Variants in TNFSF4 observed in about 807,000 individuals in gnomAD.
TNFSF4 encodes tumor necrosis factor ligand superfamily member 4.
TNFSF4 carries 4 observed loss-of-function variants against 7.3 expected under a neutral mutation model. That is an observed-to-expected ratio of 0.55 (90% CI 0.27 to 1.25). The LOEUF is 1.25. Among genes scored for constraint, TNFSF4 ranks in the 50% most tolerant of loss-of-function variants. The pLI, the probability that TNFSF4 is intolerant of heterozygous loss-of-function variation, is 0.12. For missense variants in TNFSF4, 181 were observed against 208.8 expected (o/e 0.87, Z 0.82); for synonymous variants, 76 against 83.7 (o/e 0.91, Z 0.50).
chr1:173,328,575 A>G, the TNFSF4 span, among the ~76,000 whole-genome samples: 1 of 151,848 alleles, frequency 6.6e-6, no homozygotes, highest in Non-Finnish European at 1.5e-5. Context: ...CCCAAAAAAA[A>G]AACCCTAGAT....
At chr1:173,227,877 C>T in the TNFSF4 span, among the ~76,000 whole-genome samples, 36 of 152,268 alleles carry the variant, frequency 2.4e-4, no homozygotes, top group Middle Eastern at 3.4e-3. Context: ...AAGGTGGCAG[C>T]GAGGCTGGGG....
chr1:173,376,419 T>TCA, the TNFSF4 span, among the ~76,000 whole-genome samples: 2 of 152,006 alleles, frequency 1.3e-5, no homozygotes, highest in Admixed American at 6.5e-5. Context: ...GAGGGGAACA[T>TCA]CACACACCAG....
the TNFSF4 span, among the ~76,000 whole-genome samples, chr1:173,296,354 C>T: frequency 6.6e-6 from 1 of 151,970 alleles, no homozygotes; most frequent in African/African-American, 2.4e-5. Flanking sequence ...AGAAGGCATT[C>T]TATTCTACAT....
At chr1:173,210,295 C>T (rs1650329878), upstream of TNFSF4, among the ~76,000 whole-genome samples, 1 of 152,144 alleles carries the variant, frequency 6.6e-6, no homozygotes, top group South Asian at 2.1e-4. Flanking sequence ...TCCTAGGTAT[C>T]AGTGCAGAAG....
At chr1:173,441,558 A>C in the TNFSF4 span, among the ~76,000 whole-genome samples, 1 of 152,196 alleles carries the variant, frequency 6.6e-6, no homozygotes, top group Admixed American at 6.5e-5. Flanking sequence ...CGGGAGGTGG[A>C]GGTTGCACTG....
the TNFSF4 span, among the ~76,000 whole-genome samples, chr1:173,378,564 TTCTC>T: frequency 6.6e-6 from 1 of 152,270 alleles, no homozygotes; most frequent in Non-Finnish European, 1.5e-5. Flanking sequence ...GGCCCCAATA[TTCTC>T]TCTCTGATGG....
the TNFSF4 span, among the ~76,000 whole-genome samples, chr1:173,264,802 C>A: frequency 1.3e-5 from 2 of 152,180 alleles, no homozygotes; most frequent in Admixed American, 1.3e-4. Context: ...GCCAACTTCC[C>A]TCCCTGTTTC....
chr1:173,333,769 A>G, the TNFSF4 span, among the ~76,000 whole-genome samples: 4 of 152,228 alleles, frequency 2.6e-5, no homozygotes, highest in African/African-American at 7.2e-5. Context: ...CACACAGTCT[A>G]TGGTATTTTG....
At chr1:173,251,726 A>G in the TNFSF4 span, among the ~76,000 whole-genome samples, 2 of 152,240 alleles carry the variant, frequency 1.3e-5, no homozygotes, top group African/African-American at 4.8e-5. Flanking sequence ...AAATACATAT[A>G]AAGGACACAG....
chr1:173,346,739 T>C, the TNFSF4 span, among the ~76,000 whole-genome samples: 3 of 152,160 alleles, frequency 2.0e-5, no homozygotes, highest in Non-Finnish European at 2.9e-5. Context: ...TGGGGAAATG[T>C]AATATAATAT....
chr1:173,384,208 T>G, the TNFSF4 span, among the ~76,000 whole-genome samples: 51 of 152,300 alleles, frequency 3.3e-4, no homozygotes, highest in African/African-American at 1.2e-3. Context: ...CCTACCCTGG[T>G]GATACTCACA....
the TNFSF4 span, among the ~76,000 whole-genome samples, chr1:173,377,591 C>A: frequency 2.0e-5 from 3 of 152,182 alleles, no homozygotes; most frequent in Non-Finnish European, 4.4e-5. Flanking sequence ...TTCCTCTTGC[C>A]TCTCTTCTCT....
chr1:173,231,604 G>T, the TNFSF4 span, among the ~76,000 whole-genome samples: 2 of 152,072 alleles, frequency 1.3e-5, no homozygotes, highest in East Asian at 3.8e-4. Context: ...TGGGCAATAA[G>T]GCAGGACAAA....
chr1:173,360,039 C>T, the TNFSF4 span, among the ~76,000 whole-genome samples: 5 of 152,256 alleles, frequency 3.3e-5, no homozygotes, highest in East Asian at 5.8e-4. Context: ...ATTGTCCACC[C>T]TGGCTATGAT....
At chr1:173,362,553 C>A in the TNFSF4 span, 1 of 537,542 alleles carries the variant, frequency 1.9e-6, no homozygotes, top group Admixed American at 2.0e-5. Context: ...CCACTAATGC[C>A]TCCGATTCTC....
the TNFSF4 span, among the ~76,000 whole-genome samples, chr1:173,364,160 GTCTA>G: frequency 1.3e-5 from 2 of 149,912 alleles, no homozygotes; most frequent in Non-Finnish European, 1.5e-5. Context: ...TATCCTAAAT[GTCTA>G]TCTATAGGGG....
At chr1:173,241,102 A>G in the TNFSF4 span, among the ~76,000 whole-genome samples, 2 of 152,298 alleles carry the variant, frequency 1.3e-5, no homozygotes, top group East Asian at 1.9e-4. Context: ...TGACACACAT[A>G]CTTCCTATTT....
At chr1:173,431,268 A>C in the TNFSF4 span, among the ~76,000 whole-genome samples, 1 of 152,246 alleles carries the variant, frequency 6.6e-6, no homozygotes, top group Non-Finnish European at 1.5e-5. Flanking sequence ...CTTAAATAAT[A>C]ATCTTCAGGT....
the TNFSF4 span, among the ~76,000 whole-genome samples, chr1:173,445,468 C>G: frequency 6.6e-6 from 1 of 152,146 alleles, no homozygotes; most frequent in African/African-American, 2.4e-5. Flanking sequence ...CATTCCCTCC[C>G]CCATTTTCAC....
Sources: allele counts gnomAD v4.1 joint callset (sites outside exome capture counted in the v4.1 genomes callset), GRCh38; gene constraint gnomAD v4.1.1; transcripts MANE v1.5; gene names NCBI Gene and HGNC (gene_info 2026-07-23, HGNC 2026-07-21).